Variants in CHMP3 observed in about 807,000 individuals in gnomAD.
CHMP3 encodes 25.1 protein.
CHMP3 carries 8 observed loss-of-function variants against 27.4 expected under a neutral mutation model. The ratio of observed to expected loss-of-function variants is 0.29; its 90% CI spans 0.17 to 0.53. The LOEUF (loss-of-function observed/expected upper bound fraction) is 0.53, where lower values mean the gene tolerates loss of function less well. CHMP3 is among the 20% of genes least tolerant of loss of function. The pLI, the probability that CHMP3 is intolerant of heterozygous loss-of-function variation, is 0.96. For synonymous variants in CHMP3, 86 were observed against 85.5 expected (o/e 1.01, Z -0.03); for missense variants, 208 against 271.5 (o/e 0.77, Z 1.64).
chr2:86,511,965 T>C (rs1193568754), intron 3 of CHMP3: 1 of 152,058 alleles, frequency 6.6e-6, no homozygotes, highest in African/African-American at 2.4e-5. Flanking sequence ...AGAGTCAATG[T>C]TGTAGGAAAA....
rs1364842745 is a variant in CHMP3, at chr2:86,505,944, A to C, written c.529T>G (p.Leu177Val). 1.9e-6 allele frequency: 3 copies of C among 1,561,356 alleles called. No individual in the cohort carries two copies. The Admixed American group carries it at 5.6e-5, about 29-fold the overall frequency. ...RILFEITAGA[L>V]GKAPSKVTDA... is the part of the protein sequence containing the mutation. ...GTCACTTTACTGGGTGCTTTGCCCA[A>C]GGCCCCTGAAAAGAAAGAGCAAAGA... The change falls in exon 6 of 6, where the codon TTG becomes GTG. Residue 177 changes from leucine to valine, a missense_variant. Physicochemically the swap from Leu to Val is conservative, Grantham distance 32 (BLOSUM62 1). Transcript: ENST00000263856.
intron 1 of CHMP3, among the ~76,000 whole-genome samples, chr2:86,549,790 G>A (rs1475661467): frequency 2.0e-5 from 3 of 150,890 alleles, no homozygotes; most frequent in Non-Finnish European, 4.4e-5. Flanking sequence ...AGACGGGGCG[G>A]CCGGGCAGAG....
intron 2 of CHMP3, among the ~76,000 whole-genome samples, chr2:86,533,941 C>T (rs749781764): frequency 1.3e-5 from 2 of 151,972 alleles, no homozygotes; most frequent in Non-Finnish European, 2.9e-5. Flanking sequence ...CTTTTTTCAC[C>T]CATTGGTTAA....
intron 3 of CHMP3, among the ~76,000 whole-genome samples, chr2:86,520,074 T>C (rs893813052): frequency 5.3e-5 from 8 of 152,200 alleles, no homozygotes; most frequent in Non-Finnish European, 1.0e-4. Flanking sequence ...ACAGTTCATA[T>C]AGCACTTGAA....
intron 1 of CHMP3, among the ~76,000 whole-genome samples, chr2:86,545,825 GCTC>G (rs1676568287): frequency 6.8e-6 from 1 of 146,888 alleles, no homozygotes; most frequent in African/African-American, 2.5e-5. Flanking sequence ...AGGCAGAGGC[GCTC>G]CTCACTTCCC....
intron 3 of CHMP3, among the ~76,000 whole-genome samples, chr2:86,527,593 C>T (rs1286193351): frequency 6.6e-6 from 1 of 152,122 alleles, no homozygotes; most frequent in Admixed American, 6.5e-5. Flanking sequence ...GATCAAAAGG[C>T]ATATCTAGGT....
Position 86,505,596 on chromosome 2 carries a change from G to A in CHMP3, c.*208C>T, listed in dbSNP as rs1461478628. On this transcript the variant is annotated 3_prime_UTR_variant, in exon 6 of 6. Coordinates refer to ENST00000263856, the MANE Select transcript of CHMP3 (RefSeq NM_016079.4). The stretch of plus-strand genomic sequence containing the variant: ...CCCCTCCCCACAATAAGATATATCT[G>A]TCTATACTCCTAAAAATGATGCATT... 2 of 544,030 alleles carry A rather than the reference G, an allele frequency of 3.7e-6. No individual in the cohort carries two copies. The highest frequency in any genetic ancestry group is 5.7e-6 in the Non-Finnish European group (2 of 350,132). The allele number at this position is 544,030 out of a possible 1,614,324, so 33.7% of individuals were successfully genotyped here.
chr2:86,510,093 A>C (rs935128429), intron 4 of CHMP3, among the ~76,000 whole-genome samples: 5 of 152,128 alleles, frequency 3.3e-5, no homozygotes, highest in African/African-American at 1.2e-4. Context: ...TTGATCCCTA[A>C]ATGGTTGCTC....
In CHMP3 at chr2:86,563,292, C is replaced by G. The variant is rs927082949; in HGVS notation, c.45+12G>C. The G allele has an allele frequency of 9.9e-6, 16 of 1,613,896 alleles. No homozygotes were observed. In the African/African-American group the frequency reaches 2.0e-4, roughly 20 times the overall value. ...GATCCACCCGCTTATCTGCCGCCGC[C>G]GTAGCCCTTACCAGTTCTTTGGGCG... On this transcript the variant is annotated intron_variant, in intron 1 of 5. Transcript: ENST00000263856.
chr2:86,555,803 G>A (rs1007548340), intron 1 of CHMP3, among the ~76,000 whole-genome samples: 4 of 152,148 alleles, frequency 2.6e-5, no homozygotes, highest in African/African-American at 9.7e-5. Flanking sequence ...TAAGGATACA[G>A]GTGATTGCAT....
At chr2:86,534,637 C>T (rs537904757) in intron 2 of CHMP3, among the ~76,000 whole-genome samples, 3 of 152,140 alleles carry the variant, frequency 2.0e-5, no homozygotes, top group Non-Finnish European at 4.4e-5. Context: ...TATGTTTTGA[C>T]AGTCTGTTAC....
intron 3 of CHMP3, among the ~76,000 whole-genome samples, chr2:86,519,595 G>A (rs932334079): frequency 6.6e-6 from 1 of 152,102 alleles, no homozygotes; most frequent in Admixed American, 6.5e-5. Context: ...ATGAGTATAT[G>A]AGTATAATGA....
At chr2:86,509,977 C>T (rs1226155894) in intron 4 of CHMP3, among the ~76,000 whole-genome samples, 1 of 152,164 alleles carries the variant, frequency 6.6e-6, no homozygotes, top group Non-Finnish European at 1.5e-5. Context: ...AAACAGGGAT[C>T]AGCAAACTAC....
chr2:86,515,855 C>A (rs1675279545), intron 3 of CHMP3, among the ~76,000 whole-genome samples: 1 of 151,996 alleles, frequency 6.6e-6, no homozygotes, highest in Non-Finnish European at 1.5e-5. Context: ...CAGAACATTT[C>A]TTTATTTAAA....
Position 86,563,399 on chromosome 2 carries a change from G to A in CHMP3, c.-51C>T. On this transcript the variant is annotated 5_prime_UTR_variant, in exon 1 of 6. Coordinates refer to ENST00000263856, the MANE Select transcript of CHMP3 (RefSeq NM_016079.4). ...TCCGGCTTTCAGTTCCCCGCGCCCA[G>A]GCAGGTCACGGGCAGCCGCCTGGGC... 1 of 1,599,948 alleles carries A rather than the reference G, an allele frequency of 6.3e-7. No homozygotes were observed. The highest frequency in any genetic ancestry group is 8.5e-7 in the Non-Finnish European group (1 of 1,173,654).
At chr2:86,535,271 A>C (rs76860327) in intron 2 of CHMP3, among the ~76,000 whole-genome samples, 6,069 of 151,894 alleles carry the variant, frequency 0.04, 184 homozygotes, top group African/African-American at 0.082. Flanking sequence ...AAAAAAAAAA[A>C]AAGGAATTAT....
chr2:86,556,105 T>C (rs1196192458), intron 1 of CHMP3, among the ~76,000 whole-genome samples: 1 of 152,082 alleles, frequency 6.6e-6, no homozygotes, highest in African/African-American at 2.4e-5. Context: ...AGTAGGAAAA[T>C]AACTACTGAC....
At chr2:86,543,302 T>A (rs1676433504) in intron 1 of CHMP3, among the ~76,000 whole-genome samples, 1 of 152,252 alleles carries the variant, frequency 6.6e-6, no homozygotes, top group African/African-American at 2.4e-5. Flanking sequence ...AAAATATTTA[T>A]TATGCAACAA....
chr2:86,508,851 G>A (rs1674985537), intron 4 of CHMP3, among the ~76,000 whole-genome samples: 1 of 152,190 alleles, frequency 6.6e-6, no homozygotes, highest in African/African-American at 2.4e-5. Context: ...CTTCCTGAAT[G>A]GGATCATCTT....
Sources: gnomAD v4.1 joint callset for allele counts (sites outside exome capture counted in the v4.1 genomes callset) on GRCh38, gnomAD v4.1.1 for gene constraint, MANE v1.5 for transcripts, NCBI Gene and HGNC (gene_info 2026-07-23, HGNC 2026-07-21) for gene names.